The following AACS variants were observed in gnomAD, a reference collection of about 807,000 sequenced individuals.
AACS encodes acetoacetate-CoA ligase.
AACS carries 69 observed loss-of-function variants against 83.1 expected under a neutral mutation model. The observed-to-expected ratio is 0.83, with a 90% CI of 0.68 to 1.01. AACS has a LOEUF of 1.01. AACS is among the 50% of genes least tolerant of loss of function. The probability of loss-of-function intolerance (pLI) is 0.00; values close to 1 mark genes in which losing one functional copy is unlikely to be tolerated. For missense variants in AACS, 866 were observed against 882.2 expected, an observed-to-expected ratio of 0.98 and a Z score of 0.23; for synonymous variants, 333 against 343.4, an observed-to-expected ratio of 0.97 and a Z score of 0.33.
intron 3 of AACS, among the ~76,000 whole-genome samples, chr12:125,080,591 C>G (rs975272275): frequency 1.3e-5 from 2 of 151,986 alleles, no homozygotes; most frequent in African/African-American, 4.8e-5. Flanking sequence ...TTTCACACCC[C>G]CTACCCCTTT....
rs1447462524 is a variant in AACS at position 125,107,418 on chromosome 12, C to T, written c.915+150C>T. On this transcript the variant is annotated intron_variant, in intron 8 of 17. Transcript: ENST00000316519. ...CAGCTTCTCTCCAAGTGGGGTGCTG[C>T]ACGGAGATCCGGCACTGGGCCCAGG... 46 of 1,120,466 alleles carry T rather than the reference C, an allele frequency of 4.1e-5. No homozygotes were observed. The East Asian group carries it at 1.2e-3, about 28-fold the overall frequency. 69.4% of individuals were successfully genotyped at this position (1,120,466 alleles called of 1,614,324 possible).
At chr12:125,083,641 G>T (rs1209930236) in intron 3 of AACS, among the ~76,000 whole-genome samples, 2 of 151,734 alleles carry the variant, frequency 1.3e-5, no homozygotes, top group Non-Finnish European at 2.9e-5. Context: ...AGCAATAAAA[G>T]AAGTGAATTT....
chr12:125,103,673 T>G (rs181614559), intron 7 of AACS, among the ~76,000 whole-genome samples: 6 of 152,314 alleles, frequency 3.9e-5, no homozygotes, highest in Admixed American at 3.9e-4. Context: ...ACATGTTTTG[T>G]GTACCCAATA....
At chr12:125,112,665 C>T (rs189476301) in intron 8 of AACS, among the ~76,000 whole-genome samples, 153 of 123,594 alleles carry the variant, frequency 1.2e-3, no homozygotes, top group African/African-American at 5.2e-3. Flanking sequence ...GGTGACAGAG[C>T]GAGACTCTGT....
chr12:125,128,531 TG>T (rs1470448054), intron 13 of AACS: 4 of 310,188 alleles, frequency 1.3e-5, no homozygotes, highest in Non-Finnish European at 2.4e-5. Flanking sequence ...AGTGGGCAGG[TG>T]GGTGGTCATT....
chr12:125,065,694 G>A lies in AACS; in HGVS notation c.110G>A (p.Gly37Asp). The change falls in exon 1 of 18, where the codon GGC becomes GAC. Residue 37 changes from glycine (G) to aspartate (D), a missense_variant. Physicochemically the swap from Gly to Asp is moderately conservative, Grantham distance 94. Transcript: ENST00000316519. ...TQMDRFRAAV[G>D]AACGLALESY... ...ATGGACCGCTTCCGGGCGGCTGTGG[G>A]CGCCGCCTGCGGCCTGGCGCTGGGT... The A allele has an allele frequency of 6.5e-7, 1 of 1,541,580 alleles. No individual in the cohort carries two copies. Among genetic ancestry groups the A allele is most frequent in the Non-Finnish European group, 8.7e-7 (1 of 1,143,182 alleles).
chr12:125,068,421 T>C (rs1447884127), intron 1 of AACS, among the ~76,000 whole-genome samples: 2 of 152,138 alleles, frequency 1.3e-5, no homozygotes, highest in African/African-American at 4.8e-5. Context: ...ATCTCGCCAC[T>C]GCACTGCAGC....
chr12:125,119,445 TG>T (rs1164689743), intron 10 of AACS, among the ~76,000 whole-genome samples: 2 of 152,132 alleles, frequency 1.3e-5, no homozygotes. Flanking sequence ...TGTCTAACAG[TG>T]GGTAATTTAT....
At position 125,083,798 on chromosome 12, in the gene AACS, C is replaced by T. The variant is rs140422053; in HGVS notation, c.359-2532C>T. On this transcript the variant is annotated intron_variant, in intron 3 of 17. Coordinates refer to ENST00000316519, the MANE Select transcript of AACS (RefSeq NM_023928.5). ...CCTCCTGAGTAGCTGGGATTACAGG[C>T]GTCCACCACCACGCCCGGCTAAGTT... Among the ~76,000 whole-genome samples the T allele has an allele frequency of 1.2e-3, 175 of 152,038 alleles. 2 individuals carry two copies. The highest frequency in any genetic ancestry group is 4.0e-3 in the African/African-American group (164 of 41,494).
At chr12:125,107,617 G>C (rs1007632633) in intron 8 of AACS, among the ~76,000 whole-genome samples, 3 of 152,186 alleles carry the variant, frequency 2.0e-5, no homozygotes, top group African/African-American at 7.2e-5. Context: ...CAATAGGTGG[G>C]CCCTGCCAGT....
rs749410050 is a variant in AACS at position 125,118,658 on chromosome 12, G to A, written c.1014G>A (p.Trp338Ter). The A allele has an allele frequency of 6.2e-7, 1 of 1,614,170 alleles. No individual in the cohort carries two copies. Among genetic ancestry groups the A allele is most frequent in the Admixed American group, 1.7e-5 (1 of 60,014 alleles). Reference sequence around the variant, plus strand: ...CTTTGCAGGTCGGCTGGATGATGTGGAACTGGATGGTGTCCCTTCTGGCCA... The same window carrying A: ...CTTTGCAGGTCGGCTGGATGATGTGAAACTGGATGGTGTCCCTTCTGGCCA... ...LCYTTVGWMMWNWMVSLLATG... is the reference protein window; with the variant it reads ...LCYTTVGWMM The change falls in exon 10 of 18, where the codon TGG (tryptophan) becomes TGA (stop). Residue 338 changes from tryptophan (W) to a stop codon, truncating the protein, a stop_gained. Transcript: ENST00000316519. LOFTEE classifies it high-confidence loss of function.
intron 4 of AACS, among the ~76,000 whole-genome samples, chr12:125,087,015 C>T (rs777303688): frequency 1.4e-4 from 21 of 152,022 alleles, no homozygotes; most frequent in South Asian, 4.2e-4. Context: ...AAGCAGGAGG[C>T]GTCTACACGG....
chr12:125,099,090 A>G (rs1956669720), intron 5 of AACS, among the ~76,000 whole-genome samples: 1 of 152,232 alleles, frequency 6.6e-6, no homozygotes, highest in Non-Finnish European at 1.5e-5. Flanking sequence ...AGTATCCTTC[A>G]GTTTCCAGCT....
intron 8 of AACS, among the ~76,000 whole-genome samples, chr12:125,114,015 C>A (rs1957001569): frequency 6.6e-6 from 1 of 152,140 alleles, no homozygotes; most frequent in South Asian, 2.1e-4. Flanking sequence ...TACAGTCTTG[C>A]TCTGTTGCCA....
intron 14 of AACS, among the ~76,000 whole-genome samples, chr12:125,133,426 C>T (rs544961641): frequency 2.6e-5 from 4 of 152,346 alleles, no homozygotes; most frequent in Admixed American, 6.5e-5. Context: ...GTGTTGCTGT[C>T]ATCCCTGGCT....
intron 12 of AACS, chr12:125,126,858 C>G (rs143885680): frequency 1.3e-5 from 2 of 152,024 alleles, no homozygotes; most frequent in Admixed American, 1.3e-4. Flanking sequence ...GATGGGATTA[C>G]AGGCATGAGC....
intron 5 of AACS, 192 bp from the exon 6 acceptor site, chr12:125,102,487 G>A (rs1263756983): frequency 1.8e-6 from 1 of 553,832 alleles, no homozygotes; most frequent in Non-Finnish European, 3.3e-6. Context: ...TTTTTTTAGA[G>A]ACAGGGTCTC....
At chr12:125,090,514 C>T (rs1416745709) in intron 4 of AACS, among the ~76,000 whole-genome samples, 1 of 149,010 alleles carries the variant, frequency 6.7e-6, no homozygotes, top group Non-Finnish European at 1.5e-5. Flanking sequence ...TCTTCCATCT[C>T]TCCATCCACT....
intron 1 of AACS, among the ~76,000 whole-genome samples, chr12:125,069,145 GC>G (rs1263016294): frequency 6.6e-6 from 1 of 152,184 alleles, no homozygotes; most frequent in Non-Finnish European, 1.5e-5. Flanking sequence ...CCGGCTGTGA[GC>G]ATTCTTATTG....
Sources: allele counts gnomAD v4.1 joint callset (sites outside exome capture counted in the v4.1 genomes callset), GRCh38; gene constraint gnomAD v4.1.1; transcripts MANE v1.5; gene names NCBI Gene and HGNC (gene_info 2026-07-23, HGNC 2026-07-21).